LINGO1: variants seen among roughly 807,000 people sequenced by gnomAD.
LINGO1 encodes leucine rich repeat and Ig domain containing 1, also known as leucine-rich repeat and immunoglobulin-like domain-containing nogo receptor-interacting protein 1.
In LINGO1, 11 loss-of-function variants were observed where a neutral mutation model predicts 37.3. The observed-to-expected ratio is 0.29, with a 90% CI of 0.19 to 0.49. The LOEUF is 0.49. Ranked by LOEUF, LINGO1 falls within the 20% of genes least tolerant of loss-of-function variation. The probability of loss-of-function intolerance (pLI) is 0.99; values close to 1 mark genes in which losing one functional copy is unlikely to be tolerated. For synonymous variants in LINGO1, 387 were observed against 403.0 expected, an observed-to-expected ratio of 0.96 and a Z score of 0.48; for missense variants, 585 against 878.2, an observed-to-expected ratio of 0.67 and a Z score of 4.22.
At chr15:77,657,352 G>A (rs558129006) in intron 3 of LINGO1, among the ~76,000 whole-genome samples, 19 of 152,050 alleles carry the variant, frequency 1.2e-4, no homozygotes, top group Non-Finnish European at 2.2e-4. Context: ...GTGGGGGAAC[G>A]CAAGCCCCAA....
chr15:77,623,651 C>T (rs951402102), intron 1 of LINGO1, among the ~76,000 whole-genome samples: 2 of 152,150 alleles, frequency 1.3e-5, no homozygotes, highest in East Asian at 1.9e-4. Flanking sequence ...GCCGTCTCCC[C>T]GGGGGTTGGT....
chr15:77,678,248 C>T (rs967203153), intron 2 of LINGO1, among the ~76,000 whole-genome samples: 3 of 152,216 alleles, frequency 2.0e-5, no homozygotes, highest in Admixed American at 6.5e-5. Flanking sequence ...TTGACAACTG[C>T]GTGTGGCTGT....
chr15:77,758,752 G>A (rs562856571), intron 1 of LINGO1, among the ~76,000 whole-genome samples: 14 of 152,088 alleles, frequency 9.2e-5, no homozygotes, highest in Non-Finnish European at 2.1e-4. Context: ...TGGGGGTTTT[G>A]GGGGGATCAG....
chr15:77,760,009 A>G (rs1462863232), intron 1 of LINGO1, among the ~76,000 whole-genome samples: 1 of 152,252 alleles, frequency 6.6e-6, no homozygotes, highest in Non-Finnish European at 1.5e-5. Context: ...GCCAGGTCTC[A>G]GAGCCCCACT....
At chr15:77,663,163 A>G (rs1209722628) in intron 3 of LINGO1, among the ~76,000 whole-genome samples, 1 of 152,242 alleles carries the variant, frequency 6.6e-6, no homozygotes, top group African/African-American at 2.4e-5. Context: ...TCCTGCATTC[A>G]GTAAACATTC....
At chr15:77,759,715 G>A (rs570593914) in intron 1 of LINGO1, among the ~76,000 whole-genome samples, 12 of 152,358 alleles carry the variant, frequency 7.9e-5, no homozygotes, top group African/African-American at 2.9e-4. Flanking sequence ...CGGCGACTGG[G>A]GAGAAAGGTG....
In LINGO1 at chr15:77,632,271, G is replaced by A. The variant is rs1265542010; in HGVS notation, c.6+39C>T. On this transcript the variant is annotated intron_variant, in intron 1 of 1. Coordinates refer to ENST00000355300, the MANE Select transcript of LINGO1 (RefSeq NM_032808.7). The surrounding 1 kb of genome is among the most constrained non-coding windows in gnomAD (Gnocchi z 6.0). ...GGCCCCCAGGGGCACTCGCCGCGGGGCTGCCCGCTCGGGGCTCGGCCGCGG... is the reference window on the plus strand; with the variant it reads ...GGCCCCCAGGGGCACTCGCCGCGGGACTGCCCGCTCGGGGCTCGGCCGCGG... 26 of 1,392,358 alleles carry A rather than the reference G, an allele frequency of 1.9e-5. No individual in the cohort carries two copies. The highest frequency in any genetic ancestry group is 3.0e-5 in the Admixed American group (1 of 33,392). 86.3% of individuals were successfully genotyped at this position (1,392,358 alleles called of 1,614,324 possible).
chr15:77,712,738 T>G (rs568197283), intron 2 of LINGO1, among the ~76,000 whole-genome samples: 1 of 152,236 alleles, frequency 6.6e-6, no homozygotes, highest in South Asian at 2.1e-4. Context: ...CCAGCAAATA[T>G]GAACCCCAGT....
upstream of LINGO1, among the ~76,000 whole-genome samples, chr15:77,820,541 G>A (rs2077088650): frequency 6.6e-6 from 1 of 152,226 alleles, no homozygotes; most frequent in Non-Finnish European, 1.5e-5. Flanking sequence ...GCTGCCGTCT[G>A]AGTCTGAACT....
intron 1 of LINGO1, among the ~76,000 whole-genome samples, chr15:77,626,167 C>T (rs922000453): frequency 1.3e-5 from 2 of 152,112 alleles, no homozygotes; most frequent in Non-Finnish European, 2.9e-5. Flanking sequence ...TGGGCTAGGG[C>T]CTAGGAAGGA....
chr15:77,791,162 G>A (rs2076815614), upstream of LINGO1, among the ~76,000 whole-genome samples: 1 of 152,222 alleles, frequency 6.6e-6, no homozygotes, highest in South Asian at 2.1e-4. Context: ...TGGTTTGAAT[G>A]GGATTCTGTT....
intron 2 of LINGO1, among the ~76,000 whole-genome samples, chr15:77,732,773 G>A (rs1010729303): frequency 2.0e-5 from 3 of 152,220 alleles, no homozygotes; most frequent in South Asian, 2.1e-4. Context: ...TGTGGCTCCC[G>A]GGTTTGCATA....
chr15:77,677,291 C>T (rs528600782), intron 2 of LINGO1: 1 of 152,684 alleles, frequency 6.5e-6, no homozygotes, highest in African/African-American at 2.4e-5. Flanking sequence ...GCCCAGTGGG[C>T]CTCAGGTGCT....
At chr15:77,653,764 A>C (rs971411157) in intron 3 of LINGO1, among the ~76,000 whole-genome samples, 3 of 152,074 alleles carry the variant, frequency 2.0e-5, no homozygotes, top group African/African-American at 7.2e-5. Context: ...CTAACAGTCC[A>C]TCTGAAAGAG....
At chr15:77,703,874 A>C (rs997357150) in intron 2 of LINGO1, among the ~76,000 whole-genome samples, 17 of 152,106 alleles carry the variant, frequency 1.1e-4, no homozygotes, top group Admixed American at 9.2e-4. Flanking sequence ...GGCTGAACTC[A>C]CAGTCCCCAG....
intron 2 of LINGO1, among the ~76,000 whole-genome samples, chr15:77,708,079 G>A (rs2075874165): frequency 6.6e-6 from 1 of 152,228 alleles, no homozygotes; most frequent in African/African-American, 2.4e-5. Context: ...TGTGTAATGA[G>A]ATGGTTTTTA....
At chr15:77,780,067 G>A (rs1174669075) in intron 1 of LINGO1, among the ~76,000 whole-genome samples, 2 of 152,226 alleles carry the variant, frequency 1.3e-5, no homozygotes, top group East Asian at 1.9e-4. Context: ...TGCTAAGGAG[G>A]GCTTTACAGG....
chr15:77,699,412 C>T (rs2075740693), upstream of LINGO1, among the ~76,000 whole-genome samples: 2 of 143,436 alleles, frequency 1.4e-5, no homozygotes, highest in Non-Finnish European at 3.1e-5. Context: ...TCCCCACACA[C>T]AGTAAGTGCA....
rs542557893 is a variant in LINGO1, at chr15:77,718,172, C to T, written c.-195+16820G>A. ...CCTAGGGAGCCACCTTCTTCCAGGG[C>T]CCACGGAGGGGTCTTGCCGTGGCCC... On this transcript the variant is annotated intron_variant, in intron 2 of 3. Transcript: ENST00000561686. Among the ~76,000 whole-genome samples the T allele has an allele frequency of 6.0e-5, 9 of 150,986 alleles. No individual in the cohort carries two copies. In the South Asian group the frequency reaches 1.3e-3, roughly 21 times the overall value.
Sources: gnomAD v4.1 joint callset for allele counts (sites outside exome capture counted in the v4.1 genomes callset) on GRCh38, gnomAD v4.1.1 for gene constraint, Gnocchi (gnomAD v3.1) non-coding constraint, MANE v1.5 for transcripts, NCBI Gene and HGNC (gene_info 2026-07-23, HGNC 2026-07-21) for gene names.